The following GNA12 variants were observed in gnomAD, a reference collection of about 807,000 sequenced individuals.
The protein encoded by GNA12 is G protein subunit alpha 12.
Under a neutral mutation model 26.0 loss-of-function variants are expected in GNA12, and 9 were observed. That is an observed-to-expected ratio of 0.35 (90% confidence interval 0.21 to 0.60). GNA12 has a LOEUF of 0.60. Ranked by LOEUF, GNA12 falls within the 20% of genes least tolerant of loss-of-function variation. GNA12 has a pLI of 0.78. For synonymous variants in GNA12, 264 were observed against 219.6 expected, an observed-to-expected ratio of 1.20 and a Z score of -1.79; for missense variants, 405 against 525.8, an observed-to-expected ratio of 0.77 and a Z score of 2.25.
chr7:2,831,400 CT>C (rs1778646212), intron 1 of GNA12, among the ~76,000 whole-genome samples: 1 of 131,640 alleles, frequency 7.6e-6, no homozygotes, highest in Non-Finnish European at 1.7e-5. Flanking sequence ...TGGAACTTCA[CT>C]TTCTTTTTTT....
chr7:2,783,224 T>G lies in GNA12; in HGVS notation c.525+11704A>C, dbSNP rs566110808. Among the ~76,000 whole-genome samples the G allele has an allele frequency of 5.8e-4, 88 of 152,308 alleles. 1 individual carries two copies. In the South Asian group the frequency reaches 8.7e-3, roughly 15 times the overall value. On this transcript the variant is annotated intron_variant, in intron 2 of 3. Coordinates refer to ENST00000275364, the MANE Select transcript of GNA12 (RefSeq NM_007353.3). ...GAATCTCCATGGTTTAGGGTTAAAG[T>G]GTCTTTCCAGAGAAAGTTGGCTTCT...
intron 2 of GNA12, among the ~76,000 whole-genome samples, chr7:2,759,438 T>C (rs1479992869): frequency 6.6e-6 from 1 of 152,208 alleles, no homozygotes; most frequent in Non-Finnish European, 1.5e-5. Flanking sequence ...ATGTGACAGA[T>C]GGGAAGACTG....
At chr7:2,743,575 T>A (rs1393763702) in intron 2 of GNA12, among the ~76,000 whole-genome samples, 1 of 152,256 alleles carries the variant, frequency 6.6e-6, no homozygotes, top group East Asian at 1.9e-4. Context: ...GATGGCCGAA[T>A]AGGAACAGCT....
chr7:2,783,701 T>TATTTA (rs1554259964), intron 2 of GNA12, among the ~76,000 whole-genome samples: 1 of 141,906 alleles, frequency 7.0e-6, no homozygotes. Flanking sequence ...TTTATTTATT[T>TATTTA]TGAGATGTAG....
chr7:2,829,808 G>A (rs1345953537), intron 1 of GNA12, among the ~76,000 whole-genome samples: 1 of 152,090 alleles, frequency 6.6e-6, no homozygotes, highest in Non-Finnish European at 1.5e-5. Context: ...GTTCTCAGAC[G>A]TGCTCGAGGC....
intron 1 of GNA12, among the ~76,000 whole-genome samples, chr7:2,833,849 G>C (rs1194486613): frequency 6.6e-6 from 1 of 152,090 alleles, no homozygotes; most frequent in Non-Finnish European, 1.5e-5. Context: ...GACTCTTAAA[G>C]GCCAGAACAG....
Position 2,829,450 on chromosome 7 carries a change from C to T in GNA12, c.309+14403G>A, listed in dbSNP as rs144998029. ...AGGATTCAGAGACATCCCCTTGCAT[C>T]GTTGTTCATTACTATTCAGTTCCTT... On this transcript the variant is annotated intron_variant, in intron 1 of 3. Transcript: ENST00000275364. 1.1e-3 allele frequency among the ~76,000 whole-genome samples: 165 copies of T among 152,276 alleles called. 1 individual carries two copies. The highest frequency in any genetic ancestry group is 1.8e-3 in the Non-Finnish European group (125 of 68,024).
At chr7:2,776,629 G>T (rs1000214838) in intron 2 of GNA12, among the ~76,000 whole-genome samples, 1 of 152,226 alleles carries the variant, frequency 6.6e-6, no homozygotes, top group African/African-American at 2.4e-5. Context: ...TGCCGAGAGA[G>T]GAGCAGGCTG....
At chr7:2,735,579 C>T (rs1190649866) in intron 2 of GNA12, among the ~76,000 whole-genome samples, 2 of 152,188 alleles carry the variant, frequency 1.3e-5, no homozygotes, top group African/African-American at 4.8e-5. Context: ...AGTCTAAACA[C>T]CCCTCGAGTC....
intron 2 of GNA12, among the ~76,000 whole-genome samples, chr7:2,756,323 A>G (rs798497): frequency 0.25 from 38,010 of 152,146 alleles, 5,301 homozygotes; most frequent in Non-Finnish European, 0.29. Context: ...TCCTATATAA[A>G]TCTAATTCAA....
At chr7:2,752,963 CCCA>C (rs1210072012) in intron 2 of GNA12, among the ~76,000 whole-genome samples, 2 of 152,172 alleles carry the variant, frequency 1.3e-5, no homozygotes, top group East Asian at 1.9e-4. Context: ...ACACAACTGT[CCCA>C]CCACAACGGT....
chr7:2,798,733 A>C (rs1015424991), intron 1 of GNA12, among the ~76,000 whole-genome samples: 1 of 152,252 alleles, frequency 6.6e-6, no homozygotes, highest in African/African-American at 2.4e-5. Context: ...CAATCAGTCT[A>C]TCTGATTTTA....
chr7:2,752,493 G>A (rs567791621), intron 2 of GNA12, among the ~76,000 whole-genome samples: 2 of 152,116 alleles, frequency 1.3e-5, no homozygotes, highest in Non-Finnish European at 2.9e-5. Context: ...CACAGGGACT[G>A]GAAAGCAAGA....
At chr7:2,777,665 G>C (rs570015324) in intron 2 of GNA12, among the ~76,000 whole-genome samples, 86 of 152,284 alleles carry the variant, frequency 5.6e-4, no homozygotes, top group Middle Eastern at 3.4e-3. Context: ...GTCAGGAAGA[G>C]AGCCCTCACC....
At chr7:2,796,153 A>G (rs534379488) in intron 1 of GNA12, among the ~76,000 whole-genome samples, 1 of 152,304 alleles carries the variant, frequency 6.6e-6, no homozygotes, top group East Asian at 1.9e-4. Flanking sequence ...TTTAACAACA[A>G]CTATAGTAGC....
chr7:2,777,125 A>G (rs1407822087), intron 2 of GNA12, among the ~76,000 whole-genome samples: 1 of 152,084 alleles, frequency 6.6e-6, no homozygotes, highest in Admixed American at 6.5e-5. Context: ...ATGGGAGTGG[A>G]CTGAGGGGAG....
intron 2 of GNA12, chr7:2,762,449 C>CT (rs1791605899): frequency 1.9e-6 from 1 of 531,412 alleles, no homozygotes; most frequent in South Asian, 3.8e-5. Flanking sequence ...CGCTACTTAA[C>CT]TCCAAAGTCC....
intron 1 of GNA12, chr7:2,814,376 G>A (rs2644275): frequency 0.41 from 645,401 of 1,576,544 alleles, 135,236 homozygotes; most frequent in Admixed American, 0.5. Context: ...TCCATCTGGT[G>A]TGCTTCCCGA....
intron 1 of GNA12, among the ~76,000 whole-genome samples, chr7:2,799,843 AAAACCAACCACC>A (rs1384189116): frequency 6.6e-6 from 1 of 152,148 alleles, no homozygotes; most frequent in East Asian, 1.9e-4. Context: ...AAGCAGCTAA[AAAACCAACCACC>A]AAACCAAGAC....
Sources: gnomAD v4.1 joint callset for allele counts (sites outside exome capture counted in the v4.1 genomes callset) on GRCh38, gnomAD v4.1.1 for gene constraint, MANE v1.5 for transcripts, NCBI Gene and HGNC (gene_info 2026-07-23, HGNC 2026-07-21) for gene names.